RNGTT: variants seen among roughly 807,000 people sequenced by gnomAD.
RNGTT encodes mRNA-capping enzyme.
A neutral mutation model predicts 79.3 loss-of-function variants in RNGTT; 33 were observed. That is an observed-to-expected ratio of 0.42 (90% CI 0.32 to 0.56). RNGTT has a LOEUF of 0.56. Among genes scored for constraint, RNGTT ranks in the 20% least tolerant of loss-of-function variants. RNGTT has a pLI of 0.17. For synonymous variants in RNGTT, 222 were observed against 235.9 expected (o/e 0.94, Z 0.54); for missense variants, 497 against 739.1 (o/e 0.67, Z 3.80).
intron 6 of RNGTT, among the ~76,000 whole-genome samples, chr6:88,895,426 T>C (rs1351980044): frequency 6.6e-6 from 1 of 152,086 alleles, no homozygotes; most frequent in Non-Finnish European, 1.5e-5. Flanking sequence ...TAGTAACACA[T>C]GTACTCAAAA....
At position 88,704,266 on chromosome 6, in the gene RNGTT, A is replaced by ACAAAAC. The variant is rs1263840813; in HGVS notation, c.1440-25848_1440-25847insGTTTTG. ...CAGAGCGAGACTCTGTCTCAAAAAA[A>ACAAAAC]AAAAAAAAAAAAAAAAAAAAGACAG... is the stretch of plus-strand genomic sequence containing the variant. On this transcript the variant is annotated intron_variant, in intron 13 of 15. Coordinates refer to ENST00000369485, the MANE Select transcript of RNGTT (RefSeq NM_003800.5). Among the ~76,000 whole-genome samples, 25 of 126,806 alleles carry ACAAAAC rather than the reference A, an allele frequency of 2.0e-4. 1 individual carries two copies. The highest frequency in any genetic ancestry group is 7.9e-4 in the African/African-American group (25 of 31,460). The allele number at this position is 126,806 out of a possible 152,430, so 83.2% of individuals were successfully genotyped here. A position where few individuals can be genotyped will look rare whatever the true frequency, so the allele number is the denominator to read the frequency against.
At chr6:88,726,389 C>CAAAAGTCCAAAAAA (rs1554210443) in intron 13 of RNGTT, among the ~76,000 whole-genome samples, 2 of 99,540 alleles carry the variant, frequency 2.0e-5, no homozygotes, top group East Asian at 6.7e-4. Flanking sequence ...ATCCTAAGTC[C>CAAAAGTCCAAAAAA]AAAAAAAAAA....
At chr6:88,759,038 T>C (rs1447371388) in intron 13 of RNGTT, among the ~76,000 whole-genome samples, 1 of 152,028 alleles carries the variant, frequency 6.6e-6, no homozygotes, top group East Asian at 1.9e-4. Flanking sequence ...GCAAAATAAT[T>C]TTCCAAATCC....
At chr6:88,782,676 T>C (rs905688868) in intron 12 of RNGTT, among the ~76,000 whole-genome samples, 2 of 152,048 alleles carry the variant, frequency 1.3e-5, no homozygotes, top group African/African-American at 4.8e-5. Flanking sequence ...ATCCAATATA[T>C]AAAATCATAC....
intron 11 of RNGTT, among the ~76,000 whole-genome samples, chr6:88,807,548 A>T (rs560998107): frequency 2.6e-5 from 4 of 152,288 alleles, no homozygotes; most frequent in African/African-American, 9.6e-5. Context: ...GGGAAAAAAG[A>T]AACAGTGCTG....
chr6:88,612,988 T>C (rs1772089537), intron 15 of RNGTT, 106 bp from the exon 16 acceptor site: 1 of 1,034,862 alleles, frequency 9.7e-7, no homozygotes, highest in Non-Finnish European at 1.4e-6. Flanking sequence ...ATACTTTCCA[T>C]TTTACCCATT....
At chr6:88,962,719 G>C (rs1785676246) in intron 1 of RNGTT, among the ~76,000 whole-genome samples, 2 of 151,978 alleles carry the variant, frequency 1.3e-5, no homozygotes, top group East Asian at 3.9e-4. Flanking sequence ...CTGGACGACA[G>C]AGAGAGACTA....
chr6:88,636,211 C>T (rs950427036), intron 14 of RNGTT, among the ~76,000 whole-genome samples: 1 of 152,036 alleles, frequency 6.6e-6, no homozygotes, highest in Non-Finnish European at 1.5e-5. Flanking sequence ...CTGATACATA[C>T]ATTTGTTGAG....
intron 14 of RNGTT, among the ~76,000 whole-genome samples, chr6:88,644,262 T>A (rs1174731871): frequency 6.6e-6 from 1 of 152,146 alleles, no homozygotes; most frequent in Non-Finnish European, 1.5e-5. Context: ...AAGAAATGGA[T>A]AAATTCCTCG....
intron 12 of RNGTT, among the ~76,000 whole-genome samples, chr6:88,776,888 G>C (rs1350513568): frequency 6.6e-6 from 1 of 151,966 alleles, no homozygotes. Flanking sequence ...TGCTGTTGTT[G>C]GCTGAGCTTT....
rs959124919 is a variant in RNGTT, at chr6:88,932,369, C to T, written c.175-3102G>A. ...GGAACTTCCTTAGTAATTCTAGTTT[C>T]GCCCTGACCTTGTGATCTCACCCTG... On this transcript the variant is annotated intron_variant, in intron 2 of 15. Coordinates refer to ENST00000369485, the MANE Select transcript of RNGTT (RefSeq NM_003800.5). 8.5e-5 allele frequency among the ~76,000 whole-genome samples: 13 copies of T among 152,250 alleles called. No homozygotes were observed. The South Asian group carries it at 1.2e-3, about 15-fold the overall frequency.
chr6:88,617,366 G>A (rs1307455449), intron 14 of RNGTT, among the ~76,000 whole-genome samples: 1 of 152,148 alleles, frequency 6.6e-6, no homozygotes, highest in Admixed American at 6.5e-5. Context: ...TGTATATGGT[G>A]TAAGGTAGGG....
chr6:88,688,645 G>GA (rs1775365459), intron 13 of RNGTT, among the ~76,000 whole-genome samples: 1 of 152,180 alleles, frequency 6.6e-6, no homozygotes, highest in Non-Finnish European at 1.5e-5. Flanking sequence ...AAGCCAACTT[G>GA]AAAGAGTTCC....
intron 1 of RNGTT, among the ~76,000 whole-genome samples, chr6:88,955,268 T>C (rs1156241914): frequency 6.6e-6 from 1 of 150,864 alleles, no homozygotes; most frequent in Non-Finnish European, 1.5e-5. Context: ...AATACCTACA[T>C]CACCAGGCGT....
intron 11 of RNGTT, among the ~76,000 whole-genome samples, chr6:88,812,197 G>A (rs1000187844): frequency 7.2e-5 from 11 of 152,100 alleles, no homozygotes; most frequent in Admixed American, 4.6e-4. Context: ...AATATAAATC[G>A]CTTTTGCAAT....
intron 13 of RNGTT, among the ~76,000 whole-genome samples, chr6:88,750,800 C>T (rs1032599811): frequency 1.3e-5 from 2 of 152,112 alleles, no homozygotes; most frequent in Non-Finnish European, 2.9e-5. Context: ...CTGGAACCTT[C>T]TTGGTCCTAT....
intron 12 of RNGTT, among the ~76,000 whole-genome samples, chr6:88,780,527 T>A (rs371755338): frequency 6.6e-6 from 1 of 152,288 alleles, no homozygotes; most frequent in East Asian, 1.9e-4. Flanking sequence ...TATAATTCAA[T>A]TTACCAGCAT....
intron 13 of RNGTT, among the ~76,000 whole-genome samples, chr6:88,701,602 T>C (rs1775948417): frequency 1.3e-5 from 2 of 152,128 alleles, no homozygotes; most frequent in Non-Finnish European, 2.9e-5. Context: ...ATTGCTTTTC[T>C]CTCTGCTATT....
At position 88,783,321 on chromosome 6, in the gene RNGTT, T is replaced by C. The variant is rs570839230; in HGVS notation, c.1339-13447A>G. On this transcript the variant is annotated intron_variant, in intron 12 of 15. Coordinates refer to ENST00000369485, the MANE Select transcript of RNGTT (RefSeq NM_003800.5). ...GAGAAATACTGCATGATCTCACTTA[T>C]ACATGGAATCTCAATTAGTCAAACT... Among the ~76,000 whole-genome samples, 10 of 152,228 alleles carry C rather than the reference T, an allele frequency of 6.6e-5. 1 individual carries two copies. In the South Asian group the frequency reaches 2.1e-3, roughly 32 times the overall value.
Sources: allele counts gnomAD v4.1 joint callset (sites outside exome capture counted in the v4.1 genomes callset), GRCh38; gene constraint gnomAD v4.1.1; transcripts MANE v1.5; gene names NCBI Gene and HGNC (gene_info 2026-07-23, HGNC 2026-07-21).